TTC13: variants seen among roughly 807,000 people sequenced by gnomAD.
TTC13 encodes the protein tetratricopeptide repeat protein 13.
Under a neutral mutation model 120.0 loss-of-function variants are expected in TTC13, and 62 were observed. That is an observed-to-expected ratio of 0.52 (90% CI 0.42 to 0.64). The LOEUF is 0.64. TTC13 is among the 30% of genes least tolerant of loss of function. TTC13 has a pLI of 0.00. For synonymous variants in TTC13, 384 were observed against 393.5 expected (o/e 0.98, Z 0.28); for missense variants, 824 against 1,050.2 (o/e 0.78, Z 2.98).
intron 1 of TTC13, among the ~76,000 whole-genome samples, chr1:230,977,845 G>A (rs966847612): frequency 6.6e-6 from 1 of 152,186 alleles, no homozygotes; most frequent in Admixed American, 6.5e-5. Context: ...TTAAACTGAA[G>A]CCAATAGCGC....
In TTC13 at chr1:230,921,490, T is replaced by C. The variant is rs2102789284; in HGVS notation, c.1829A>G (p.Asn610Ser). 6 of 1,541,836 alleles carry C rather than the reference T, an allele frequency of 3.9e-6. 1 individual carries two copies. In the East Asian group the frequency reaches 1.4e-4, roughly 37 times the overall value. The change falls in exon 16 of 23, where the codon AAC becomes AGC. Residue 610 changes from asparagine to serine, a missense_variant. By Grantham distance (46) the Asn-to-Ser change is conservative. Transcript: ENST00000366661. ...CTCAAAATATTCTAGGTATCTCATG[T>C]TGATCACCTGACCCCTATAAGGCAA... is the stretch of plus-strand genomic sequence containing the variant. ...HINLIRGQVI[N>S]MRYLEYFEKI...
chr1:230,950,560 A>G (rs945877848), intron 4 of TTC13, among the ~76,000 whole-genome samples: 2 of 152,248 alleles, frequency 1.3e-5, no homozygotes, highest in African/African-American at 2.4e-5. Context: ...CTGGATCTAA[A>G]AACAAACAAG....
At position 230,968,463 on chromosome 1, in the gene TTC13, G is replaced by A. The variant is rs965227336; in HGVS notation, c.272-7160C>T. Among the ~76,000 whole-genome samples the A allele has an allele frequency of 3.3e-5, 5 of 152,156 alleles. No homozygotes were observed. In the South Asian group the frequency reaches 1.0e-3, roughly 32 times the overall value. ...TCTCGCAGCTCAAGTTCAGCATCTA[G>A]TTCATTTATTCCCTTTCTTCTTAGC... On this transcript the variant is annotated intron_variant, in intron 1 of 22. Coordinates refer to ENST00000366661, the MANE Select transcript of TTC13 (RefSeq NM_024525.5).
chr1:230,907,341 T>G (rs1277164231), intron 22 of TTC13, among the ~76,000 whole-genome samples: 1 of 152,246 alleles, frequency 6.6e-6, no homozygotes, highest in East Asian at 1.9e-4. Context: ...GCTTCACTCC[T>G]TATTAGCTTT....
rs748466517 is a variant in TTC13, at chr1:230,909,017, T to G, written c.2313A>C (p.Val771=). Reference sequence around the variant, plus strand: ...CTCCCACGATGACCGAGTAAGCAATTACACTATTTAAATAAAGAACAAAGG... The same window carrying G: ...CTCCCACGATGACCGAGTAAGCAATGACACTATTTAAATAAAGAACAAAGG... The part of the protein sequence containing the change: ...NLMPLSRGSS[V]IAYSVIVGAL... Residue 771 remains valine, a synonymous_variant, in exon 21 of 23, where the codon GTA becomes GTC. Transcript: ENST00000366661. 1.1e-5 allele frequency: 17 copies of G among 1,613,892 alleles called. No homozygotes were observed. In the East Asian group the frequency reaches 3.6e-4, roughly 34 times the overall value.
At chr1:230,909,104 G>A in intron 20 of TTC13, 84 bp from the exon 21 acceptor site, 3 of 1,131,520 alleles carry the variant, frequency 2.7e-6, no homozygotes, top group Middle Eastern at 2.0e-4. Context: ...TTCCCATCAT[G>A]AAAGATAAAA....
At chr1:230,966,622 G>A (rs1453244045) in intron 1 of TTC13, among the ~76,000 whole-genome samples, 2 of 152,166 alleles carry the variant, frequency 1.3e-5, no homozygotes, top group Non-Finnish European at 2.9e-5. Context: ...ATAGTTCCCT[G>A]TGGGAAAACT....
intron 1 of TTC13, among the ~76,000 whole-genome samples, chr1:230,962,055 C>T (rs1257181981): frequency 4.0e-5 from 6 of 151,700 alleles, no homozygotes; most frequent in Admixed American, 3.9e-4. Context: ...TACTAAAATA[C>T]AAAAATTAGC....
rs1674442267 is a variant in TTC13 at position 230,940,573 on chromosome 1, T to C, written c.673-17A>G. 3.3e-6 allele frequency: 5 copies of C among 1,534,068 alleles called. No individual in the cohort carries two copies. The highest frequency in any genetic ancestry group is 4.5e-6 in the Non-Finnish European group (5 of 1,109,370). On this transcript the variant is annotated splice_polypyrimidine_tract_variant and intron_variant, in intron 6 of 22. Transcript: ENST00000366661. This position sits in a 1 kb window ranked among gnomAD's most constrained non-coding sequence, Gnocchi z 4.1. The stretch of plus-strand genomic sequence containing the variant: ...GGACAGAATCTAGAAATCCCAAACA[T>C]GTAATCAGGAAGAATACCAATGACC...
At chr1:230,924,471 T>G (rs554868120) in intron 14 of TTC13, among the ~76,000 whole-genome samples, 2 of 152,342 alleles carry the variant, frequency 1.3e-5, no homozygotes, top group South Asian at 2.1e-4. Flanking sequence ...TAGCTGCGAC[T>G]ACAGGCGCGC....
At chr1:230,917,234 C>A (rs952644150) in intron 17 of TTC13, among the ~76,000 whole-genome samples, 4 of 152,172 alleles carry the variant, frequency 2.6e-5, no homozygotes, top group African/African-American at 9.7e-5. Flanking sequence ...CACTATGTGC[C>A]AATTCTCATC....
At chr1:230,907,588 CAT>C (rs1311652506) in intron 22 of TTC13, among the ~76,000 whole-genome samples, 3 of 152,226 alleles carry the variant, frequency 2.0e-5, no homozygotes, top group African/African-American at 2.4e-5. Context: ...ATTACTAAAA[CAT>C]GTGCAAACTA....
intron 1 of TTC13, among the ~76,000 whole-genome samples, chr1:230,962,947 GA>G (rs1468829646): frequency 2.0e-5 from 3 of 152,196 alleles, no homozygotes; most frequent in African/African-American, 7.2e-5. Flanking sequence ...AGGGACTAGG[GA>G]GAAACTGCTT....
At chr1:230,976,006 G>C (rs1678269462) in intron 1 of TTC13, among the ~76,000 whole-genome samples, 1 of 152,196 alleles carries the variant, frequency 6.6e-6, no homozygotes, top group African/African-American at 2.4e-5. Flanking sequence ...CTTGTAAGAA[G>C]GTATGCAGAT....
chr1:230,916,208 G>A lies in TTC13; in HGVS notation c.2078C>T (p.Thr693Met), dbSNP rs773885434. The A allele has an allele frequency of 1.1e-5, 17 of 1,613,024 alleles. No homozygotes were observed. Among genetic ancestry groups the A allele is most frequent in the East Asian group, 2.2e-5 (1 of 44,894 alleles). ...GCGCACATACTTGTCTCCTGTAATCGTGATTGTGAATCCATCATATTCCTT... is the reference window on the plus strand; with the variant it reads ...GCGCACATACTTGTCTCCTGTAATCATGATTGTGAATCCATCATATTCCTT... ...QGKEYDGFTI[T>M]ITGDKVGNIL... The change falls in exon 18 of 23, where the codon ACG (threonine) becomes ATG (methionine). Residue 693 changes from threonine (T) to methionine (M), a missense_variant. By Grantham distance (81) the Thr-to-Met change is moderately conservative (BLOSUM62 -1). Around this residue, in one of 4 missense-constraint regions of TTC13, gnomAD observed 226 missense variants for 259.1 expected, o/e 0.87. Coordinates refer to ENST00000366661, the MANE Select transcript of TTC13 (RefSeq NM_024525.5).
intron 17 of TTC13, among the ~76,000 whole-genome samples, chr1:230,919,177 A>G (rs1672331017): frequency 6.6e-6 from 1 of 151,806 alleles, no homozygotes. Context: ...TTTTGTATCT[A>G]GCTTTTTGTT....
rs772585343 is a variant in TTC13 at position 230,978,140 on chromosome 1, G to A, written c.271+420C>T. Among the ~76,000 whole-genome samples the A allele has an allele frequency of 2.0e-4, 30 of 152,208 alleles. No homozygotes were observed. The highest frequency in any genetic ancestry group is 3.2e-4 in the Non-Finnish European group (22 of 68,032). ...GATGTGCCAGGCGTCTCCCTCCGGG[G>A]GCGGGCTCCGCAAGCCGCCGGGCTG... On this transcript the variant is annotated intron_variant, in intron 1 of 22. Coordinates refer to ENST00000366661, the MANE Select transcript of TTC13 (RefSeq NM_024525.5). The surrounding 1 kb of genome is among the most constrained non-coding windows in gnomAD (Gnocchi z 5.6).
chr1:230,934,754 C>A (rs533493529), intron 8 of TTC13, among the ~76,000 whole-genome samples: 94 of 152,314 alleles, frequency 6.2e-4, no homozygotes, highest in African/African-American at 2.2e-3. Flanking sequence ...TATAAAGCAT[C>A]ATGATCTCTA....
chr1:230,953,765 C>T (rs570596619), intron 4 of TTC13, among the ~76,000 whole-genome samples: 10 of 152,188 alleles, frequency 6.6e-5, no homozygotes, highest in South Asian at 2.1e-4. Context: ...GCCTTCTTTG[C>T]AACTCTTATA....
Sources: allele counts gnomAD v4.1 joint callset (sites outside exome capture counted in the v4.1 genomes callset), GRCh38; gene constraint gnomAD v4.1.1; regional missense constraint gnomAD v4.1.1; non-coding constraint Gnocchi (gnomAD v3.1); transcripts MANE v1.5; gene names NCBI Gene and HGNC (gene_info 2026-07-23, HGNC 2026-07-21).